ADGRV1: variants seen among roughly 807,000 people sequenced by gnomAD.
The protein encoded by ADGRV1 is adhesion G protein-coupled receptor V1.
ADGRV1 carries 359 observed loss-of-function variants against 596.2 expected under a neutral mutation model. The observed-to-expected ratio is 0.60, with a 90% confidence interval of 0.55 to 0.66. The LOEUF is 0.66. Ranked by LOEUF, ADGRV1 falls within the 30% of genes least tolerant of loss-of-function variation. ADGRV1 has a pLI of 0.00. For synonymous variants in ADGRV1, 2,681 were observed against 2,679.2 expected (o/e 1.00, Z -0.02); for missense variants, 7,274 against 7,575.6 (o/e 0.96, Z 1.48).
Position 90,750,541 on chromosome 5 carries a change from AT to A in ADGRV1, c.10975-4del. ...GGGAACCCCTTGTGACTTTCTGTGT[AT>A]TTTTTCAGAATTCATTATATAAGCA... On this transcript the variant is annotated splice_polypyrimidine_tract_variant and intron_variant, in intron 52 of 89. Transcript: ENST00000405460. 1.3e-6 allele frequency: 2 copies of A among 1,589,888 alleles called. No individual in the cohort carries two copies. Among genetic ancestry groups the A allele is most frequent in the Non-Finnish European group, 8.6e-7 (1 of 1,165,904 alleles).
chr5:91,129,965 C>T (rs997214201), intron 87 of ADGRV1, among the ~76,000 whole-genome samples: 5 of 152,090 alleles, frequency 3.3e-5, no homozygotes, highest in African/African-American at 1.2e-4. Context: ...TTAAGAAATA[C>T]TCTTCTTAGA....
At chr5:90,713,220 T>G (rs1246374470) in intron 42 of ADGRV1, among the ~76,000 whole-genome samples, 1 of 152,086 alleles carries the variant, frequency 6.6e-6, no homozygotes, top group Non-Finnish European at 1.5e-5. Context: ...TTATTGGCCT[T>G]TATGGAGAAA....
intron 45 of ADGRV1, among the ~76,000 whole-genome samples, chr5:90,724,486 C>G (rs1751502210): frequency 6.6e-6 from 1 of 152,148 alleles, no homozygotes; most frequent in African/African-American, 2.4e-5. Flanking sequence ...ACCTCGGCCT[C>G]CCAAAATTCT....
chr5:90,653,649 G>T lies in ADGRV1; in HGVS notation c.4075G>T (p.Ala1359Ser). ...TACAATTGCCAACTTTACATTCTCA[G>T]CTTGGGTAATGCCCAATGCCAATAC... ...NNTIANFTFS[A>S]WVMPNANTNG... The change falls in exon 20 of 90, where the codon GCT becomes TCT. Residue 1359 changes from alanine (A) to serine (S), a missense_variant. Physicochemically the swap from Ala to Ser is moderately conservative, Grantham distance 99 (BLOSUM62 1). Transcript: ENST00000405460. 6.2e-7 allele frequency: 1 copy of T among 1,613,338 alleles called. No homozygotes were observed. The highest frequency in any genetic ancestry group is 8.5e-7 in the Non-Finnish European group (1 of 1,179,654).
At position 90,689,843 on chromosome 5, in the gene ADGRV1, T is replaced by C. The variant is rs757540624; in HGVS notation, c.6491-18T>C. On this transcript the variant is annotated intron_variant, in intron 29 of 89. Coordinates refer to ENST00000405460, the MANE Select transcript of ADGRV1 (RefSeq NM_032119.4). Reference sequence around the variant, plus strand: ...TCATATTTTAGAAGTCTTAACATTTTACTTTTGGTCTTTTCAGGTGAAGAT... The same window carrying C: ...TCATATTTTAGAAGTCTTAACATTTCACTTTTGGTCTTTTCAGGTGAAGAT... 2.8e-5 allele frequency: 44 copies of C among 1,571,168 alleles called. No homozygotes were observed. The highest frequency in any genetic ancestry group is 3.5e-5 in the Non-Finnish European group (40 of 1,145,006).
chr5:90,673,995 C>A, intron 22 of ADGRV1, 59 bp from the exon 23 acceptor site: 1 of 1,242,596 alleles, frequency 8.0e-7, no homozygotes. Context: ...GAATTTTCTT[C>A]TAGTAAGTAA....
chr5:90,632,983 T>C (rs971168256), intron 9 of ADGRV1, among the ~76,000 whole-genome samples: 1 of 152,190 alleles, frequency 6.6e-6, no homozygotes, highest in East Asian at 1.9e-4. Context: ...CCTCAGCCTC[T>C]GCATGCAAAG....
intron 83 of ADGRV1, among the ~76,000 whole-genome samples, chr5:90,939,720 T>TA (rs911791770): frequency 2.6e-5 from 4 of 152,304 alleles, no homozygotes; most frequent in African/African-American, 7.2e-5. Flanking sequence ...TGCTTTTTTT[T>TA]ACTTGACTTT....
At chr5:90,795,353 G>A (rs1357715888) in intron 70 of ADGRV1, among the ~76,000 whole-genome samples, 1 of 152,156 alleles carries the variant, frequency 6.6e-6, no homozygotes, top group Non-Finnish European at 1.5e-5. Context: ...TGAGTAGGTG[G>A]TTTTACCCTC....
chr5:91,144,079 T>TG (rs1554237147), intron 87 of ADGRV1, among the ~76,000 whole-genome samples: 106 of 152,032 alleles, frequency 7.0e-4, no homozygotes, highest in African/African-American at 2.5e-3. Flanking sequence ...GCAGGGGCAG[T>TG]GGGGGGCTTC....
At chr5:91,079,302 G>A (rs1237318929) in intron 86 of ADGRV1, among the ~76,000 whole-genome samples, 1 of 152,146 alleles carries the variant, frequency 6.6e-6, no homozygotes, top group Non-Finnish European at 1.5e-5. Flanking sequence ...TCTTTGTGAA[G>A]CACAGTTCAC....
chr5:91,095,750 C>T (rs1035081880), intron 86 of ADGRV1, among the ~76,000 whole-genome samples: 5 of 151,882 alleles, frequency 3.3e-5, no homozygotes, highest in Non-Finnish European at 5.9e-5. Flanking sequence ...ATAATGTGTG[C>T]CTACTGTTGG....
intron 84 of ADGRV1, among the ~76,000 whole-genome samples, chr5:90,971,288 C>A (rs1303629693): frequency 7.2e-5 from 11 of 152,190 alleles, no homozygotes; most frequent in African/African-American, 1.9e-4. Flanking sequence ...AGGATATTAT[C>A]CAGGAGGACT....
intron 1 of ADGRV1, among the ~76,000 whole-genome samples, chr5:90,604,457 A>AG (rs1761821654): frequency 1.3e-5 from 2 of 152,248 alleles, no homozygotes; most frequent in South Asian, 4.1e-4. Context: ...GAATTTCAGG[A>AG]GAAAAAAAAA....
chr5:91,111,816 A>C (rs1792393745), intron 87 of ADGRV1, among the ~76,000 whole-genome samples: 1 of 151,626 alleles, frequency 6.6e-6, no homozygotes, highest in African/African-American at 2.4e-5. Flanking sequence ...AAATTCAGTG[A>C]AAAAAAAATC....
intron 36 of ADGRV1, 44 bp from the exon 37 acceptor site, chr5:90,705,356 A>C (rs1748455540): frequency 1.3e-6 from 2 of 1,550,334 alleles, no homozygotes; most frequent in Non-Finnish European, 8.9e-7. Flanking sequence ...AGCGATTAAA[A>C]GCTAATGCCA....
At chr5:91,157,762 A>G (rs1796589456) in intron 89 of ADGRV1, among the ~76,000 whole-genome samples, 1 of 152,352 alleles carries the variant, frequency 6.6e-6, no homozygotes, top group East Asian at 1.9e-4. Context: ...CAAAAATGAA[A>G]AAGACTCATC....
chr5:90,912,372 TA>T (rs1267899935), intron 83 of ADGRV1, among the ~76,000 whole-genome samples: 1 of 152,140 alleles, frequency 6.6e-6, no homozygotes, highest in African/African-American at 2.4e-5. Flanking sequence ...TCATCTTTCT[TA>T]AAAAATAATT....
intron 1 of ADGRV1, among the ~76,000 whole-genome samples, chr5:90,570,748 C>T (rs1756413465): frequency 6.6e-6 from 1 of 151,012 alleles, no homozygotes; most frequent in Admixed American, 6.6e-5. Context: ...TATTTTACTT[C>T]TCAACTCCAG....
Sources: gnomAD v4.1 joint callset for allele counts (sites outside exome capture counted in the v4.1 genomes callset) on GRCh38, gnomAD v4.1.1 for gene constraint, MANE v1.5 for transcripts, NCBI Gene and HGNC (gene_info 2026-07-23, HGNC 2026-07-21) for gene names.